The following GPBP1 variants were observed in gnomAD, a reference collection of about 807,000 sequenced individuals.
The protein encoded by GPBP1 is vasculin.
GPBP1 carries 13 observed loss-of-function variants against 56.5 expected under a neutral mutation model. The observed-to-expected ratio is 0.23, with a 90% confidence interval of 0.15 to 0.37. GPBP1 has a LOEUF of 0.37. Among genes scored for constraint, GPBP1 ranks in the 10% least tolerant of loss-of-function variants. The pLI, the probability that GPBP1 is intolerant of heterozygous loss-of-function variation, is 1.00. For synonymous variants in GPBP1, 204 were observed against 188.9 expected (o/e 1.08, Z -0.66); for missense variants, 477 against 572.3 (o/e 0.83, Z 1.70).
intron 6 of GPBP1, among the ~76,000 whole-genome samples, chr5:57,245,156 T>C (rs962421910): frequency 3.9e-5 from 6 of 152,242 alleles, no homozygotes; most frequent in African/African-American, 1.4e-4. Context: ...TTTAGCCCTT[T>C]ATATTGGGCT....
chr5:57,249,332 C>A, intron 8 of GPBP1, 77 bp from the exon 9 acceptor site: 1 of 1,048,600 alleles, frequency 9.5e-7, no homozygotes, highest in Non-Finnish European at 1.4e-6. Flanking sequence ...AAATAGGAAG[C>A]TGTGGTAGTA....
chr5:57,231,241 C>A lies in GPBP1; in HGVS notation c.331C>A (p.His111Asn), dbSNP rs754720499. 1 of 1,614,100 alleles carries A rather than the reference C, an allele frequency of 6.2e-7. No homozygotes were observed. The highest frequency in any genetic ancestry group is 2.2e-5 in the East Asian group (1 of 44,880). Residue 111 changes from histidine to asparagine, a missense_variant, in exon 5 of 12, where the codon CAT (histidine) becomes AAT (asparagine). His to Asn is a moderately conservative substitution (Grantham distance 68). This residue lies in a region of GPBP1 where 414 missense variants were observed against 458.2 expected (regional missense o/e 0.90). Coordinates refer to ENST00000506184, the MANE Select transcript of GPBP1 (RefSeq NM_022913.4). ...IFHAGKSQGL[H>N]ENNIPDNETG... ...CCATGCAGGAAAAAGCCAAGGACTA[C>A]ATGAAAACAACATACCTGACAATGA... is the stretch of plus-strand genomic sequence containing the variant.
chr5:57,258,024 C>T (rs1036862491), intron 10 of GPBP1, among the ~76,000 whole-genome samples: 4 of 152,114 alleles, frequency 2.6e-5, no homozygotes, highest in Admixed American at 6.5e-5. Flanking sequence ...GGTCTTCTAA[C>T]TTCTAATCCT....
chr5:57,248,680 C>G (rs748690867), intron 8 of GPBP1, among the ~76,000 whole-genome samples: 1 of 152,000 alleles, frequency 6.6e-6, no homozygotes, highest in African/African-American at 2.4e-5. Context: ...GTGATCCGCC[C>G]GCCTCGGCCT....
chr5:57,229,971 C>CCGTCCCTTCT (rs1756377693), intron 3 of GPBP1, among the ~76,000 whole-genome samples: 1 of 149,356 alleles, frequency 6.7e-6, no homozygotes, highest in African/African-American at 2.6e-5. Flanking sequence ...CCGTCCCGTC[C>CCGTCCCTTCT]CTTCTCACAT....
chr5:57,253,807 T>A (rs1580081691), intron 10 of GPBP1, among the ~76,000 whole-genome samples: 1 of 152,180 alleles, frequency 6.6e-6, no homozygotes, highest in Non-Finnish European at 1.5e-5. Flanking sequence ...AGAGATGAGC[T>A]CTCACTGTGT....
intron 3 of GPBP1, among the ~76,000 whole-genome samples, chr5:57,222,044 T>G (rs1755978508): frequency 6.6e-6 from 1 of 150,768 alleles, no homozygotes; most frequent in Admixed American, 6.6e-5. Flanking sequence ...TTTTGTTTTG[T>G]TTTTTTTGTT....
chr5:57,227,882 A>G (rs1756266347), intron 3 of GPBP1, among the ~76,000 whole-genome samples: 1 of 152,240 alleles, frequency 6.6e-6, no homozygotes, highest in Non-Finnish European at 1.5e-5. Context: ...AATATGAGTA[A>G]GAAATAACAG....
intron 6 of GPBP1, among the ~76,000 whole-genome samples, chr5:57,242,149 C>G (rs1253495663): frequency 6.6e-6 from 1 of 152,120 alleles, no homozygotes; most frequent in East Asian, 1.9e-4. Flanking sequence ...TAAAGTTTTT[C>G]TTTTTCTTAC....
chr5:57,191,831 A>G (rs146921415), intron 2 of GPBP1, among the ~76,000 whole-genome samples: 27 of 152,300 alleles, frequency 1.8e-4, no homozygotes, highest in African/African-American at 6.3e-4. Flanking sequence ...AAGTGCTGGG[A>G]TTACAGGCGT....
intron 10 of GPBP1, among the ~76,000 whole-genome samples, chr5:57,252,757 C>G (rs1741454988): frequency 6.6e-6 from 1 of 150,594 alleles, no homozygotes; most frequent in African/African-American, 2.5e-5. Context: ...GTTGCCCAGG[C>G]TGGAGTTCAG....
intron 10 of GPBP1, among the ~76,000 whole-genome samples, chr5:57,258,894 A>C (rs978119781): frequency 1.3e-5 from 2 of 152,238 alleles, no homozygotes; most frequent in African/African-American, 4.8e-5. Context: ...AATTTTTTCC[A>C]TCTGCATTAT....
intron 10 of GPBP1, among the ~76,000 whole-genome samples, chr5:57,255,626 T>C (rs1348713743): frequency 6.6e-6 from 1 of 152,236 alleles, no homozygotes; most frequent in Non-Finnish European, 1.5e-5. Context: ...TTTTTTTAAC[T>C]CCTAGAATCT....
intron 2 of GPBP1, among the ~76,000 whole-genome samples, chr5:57,184,409 G>A (rs1293475254): frequency 1.3e-5 from 2 of 152,058 alleles, no homozygotes; most frequent in African/African-American, 4.8e-5. Context: ...TTGGCTTCTG[G>A]TGAGGCCTCA....
intron 10 of GPBP1, among the ~76,000 whole-genome samples, chr5:57,253,797 A>G (rs1274159221): frequency 6.6e-6 from 1 of 152,194 alleles, no homozygotes; most frequent in African/African-American, 2.4e-5. Context: ...AAAAAAACAT[A>G]GAGATGAGCT....
At chr5:57,238,884 A>G (rs903631396) in intron 6 of GPBP1, among the ~76,000 whole-genome samples, 2 of 152,206 alleles carry the variant, frequency 1.3e-5, no homozygotes, top group Non-Finnish European at 2.9e-5. Context: ...AGCATTCTGA[A>G]TCAAAGCAAA....
At chr5:57,189,207 C>T (rs1380169129) in intron 2 of GPBP1, among the ~76,000 whole-genome samples, 3 of 152,218 alleles carry the variant, frequency 2.0e-5, no homozygotes, top group Admixed American at 6.5e-5. Context: ...GCAACTTCCA[C>T]TTTCCAGTTC....
chr5:57,225,491 CAA>C (rs554699501), intron 3 of GPBP1, among the ~76,000 whole-genome samples: 23 of 38,120 alleles, frequency 6.0e-4, no homozygotes, highest in Admixed American at 4.3e-3. Context: ...GATTCCTTCT[CAA>C]AAAAAAAAAA....
At chr5:57,202,445 C>T (rs965471344) in intron 2 of GPBP1, among the ~76,000 whole-genome samples, 3 of 151,832 alleles carry the variant, frequency 2.0e-5, no homozygotes, top group African/African-American at 4.8e-5. Flanking sequence ...CATGCCACCA[C>T]GCTTGGCTAA....
Sources: allele counts gnomAD v4.1 joint callset (sites outside exome capture counted in the v4.1 genomes callset), GRCh38; gene constraint gnomAD v4.1.1; regional missense constraint gnomAD v4.1.1; transcripts MANE v1.5; gene names NCBI Gene and HGNC (gene_info 2026-07-23, HGNC 2026-07-21).